SUSD6: variants seen among roughly 807,000 people sequenced by gnomAD.
SUSD6 encodes the protein sushi domain-containing protein 6.
A neutral mutation model predicts 28.4 loss-of-function variants in SUSD6; 16 were observed. The observed-to-expected ratio is 0.56, with a 90% confidence interval of 0.38 to 0.86. The LOEUF is 0.86. Ranked by LOEUF, SUSD6 falls within the 40% of genes least tolerant of loss-of-function variation. The pLI is 0.00. For missense variants in SUSD6, 341 were observed against 384.2 expected (o/e 0.89, Z 0.94); for synonymous variants, 147 against 159.6 (o/e 0.92, Z 0.59).
chr14:69,634,882 G>C (rs1444101192), intron 1 of SUSD6, among the ~76,000 whole-genome samples: 1 of 152,196 alleles, frequency 6.6e-6, no homozygotes, highest in Non-Finnish European at 1.5e-5. Context: ...GAAAAATGCT[G>C]TTGCTTTTGA....
intron 2 of SUSD6, among the ~76,000 whole-genome samples, chr14:69,676,684 C>T (rs181197387): frequency 3.0e-4 from 45 of 152,320 alleles, no homozygotes; most frequent in African/African-American, 1.0e-3. Context: ...CATGAGCCAC[C>T]GCCCACAGCC....
chr14:69,650,657 G>A (rs1388470964), intron 1 of SUSD6, among the ~76,000 whole-genome samples: 1 of 152,128 alleles, frequency 6.6e-6, no homozygotes, highest in Non-Finnish European at 1.5e-5. Flanking sequence ...CTCTTTTTCT[G>A]TCTGGTCTTA....
chr14:69,617,549 T>G (rs1193404729), intron 1 of SUSD6: 1 of 152,232 alleles, frequency 6.6e-6, no homozygotes, highest in Non-Finnish European at 1.5e-5. Flanking sequence ...TGCAGAACTT[T>G]AACCATTGGT....
chr14:69,669,332 G>T (rs1420945231), intron 2 of SUSD6, among the ~76,000 whole-genome samples: 1 of 152,170 alleles, frequency 6.6e-6, no homozygotes, highest in Non-Finnish European at 1.5e-5. Flanking sequence ...AAAGTGCTGG[G>T]ATTACAGGCC....
Position 69,639,960 on chromosome 14 carries a change from T to G in SUSD6, c.-80-18553T>G, listed in dbSNP as rs988770766. On this transcript the variant is annotated intron_variant, in intron 1 of 5. Transcript: ENST00000342745. ...TCCCTCTGGGGCACCTACACTGTTT[T>G]TTTTTTTTTTTTTTTTTTTGCGGGG... Among the ~76,000 whole-genome samples the G allele has an allele frequency of 3.2e-3, 449 of 141,076 alleles. 1 individual carries two copies. Among genetic ancestry groups the G allele is most frequent in the African/African-American group, 0.012 (419 of 34,546 alleles). The allele number at this position is 141,076 out of a possible 152,430, so 92.6% of individuals were successfully genotyped here. A position where few individuals can be genotyped will look rare whatever the true frequency, so the allele number is the denominator to read the frequency against.
At chr14:69,624,616 C>A (rs954129925) in intron 1 of SUSD6, among the ~76,000 whole-genome samples, 2 of 152,082 alleles carry the variant, frequency 1.3e-5, no homozygotes, top group Admixed American at 6.5e-5. Context: ...CCATATCCGG[C>A]TAATTTTTTT....
intron 1 of SUSD6, among the ~76,000 whole-genome samples, chr14:69,635,635 A>ACACG (rs1350278476): frequency 2.7e-5 from 4 of 149,874 alleles, no homozygotes; most frequent in South Asian, 2.1e-4. Context: ...ACACACACAC[A>ACACG]CACACACATT....
intron 1 of SUSD6, among the ~76,000 whole-genome samples, chr14:69,644,935 A>G (rs1433247604): frequency 1.3e-5 from 2 of 152,202 alleles, no homozygotes; most frequent in African/African-American, 4.8e-5. Flanking sequence ...AGGTAAGGGT[A>G]TAGGTGGCGG....
chr14:69,618,916 A>G (rs58583730), intron 1 of SUSD6, among the ~76,000 whole-genome samples: 2,178 of 152,314 alleles, frequency 0.014, 66 homozygotes, highest in African/African-American at 0.05. Context: ...AAGTATATGA[A>G]GAGAGGTTCT....
chr14:69,652,744 T>C (rs577606199), intron 1 of SUSD6, among the ~76,000 whole-genome samples: 1 of 152,282 alleles, frequency 6.6e-6, no homozygotes, highest in South Asian at 2.1e-4. Context: ...AGAGCCATTT[T>C]TGAAGGTGAC....
chr14:69,636,636 A>G (rs967705570), intron 1 of SUSD6, among the ~76,000 whole-genome samples: 1 of 152,152 alleles, frequency 6.6e-6, no homozygotes, highest in Non-Finnish European at 1.5e-5. Context: ...CCTCCTTTCC[A>G]GAAGAGGCAG....
rs76335647 is a variant in SUSD6 at position 69,616,446 on chromosome 14, A to G, written c.-81+4618A>G. On this transcript the variant is annotated intron_variant, in intron 1 of 5. Coordinates refer to ENST00000342745, the MANE Select transcript of SUSD6 (RefSeq NM_014734.4). ...GGCTTCAGCTTCTGACAAAGACAGT[A>G]AAATGAAACTGGCTTCTGGGAATGG... 5.0e-3 allele frequency among the ~76,000 whole-genome samples: 758 copies of G among 152,368 alleles called. 4 individuals carry two copies. Among genetic ancestry groups the G allele is most frequent in the Middle Eastern group, 0.02 (6 of 294 alleles).
intron 1 of SUSD6, among the ~76,000 whole-genome samples, chr14:69,647,205 G>C (rs1179843938): frequency 6.6e-6 from 1 of 152,164 alleles, no homozygotes; most frequent in Non-Finnish European, 1.5e-5. Context: ...TTTTGGGAAG[G>C]TCATTTGATT....
At chr14:69,677,961 T>A (rs1343089349) in intron 2 of SUSD6, among the ~76,000 whole-genome samples, 1 of 152,218 alleles carries the variant, frequency 6.6e-6, no homozygotes, top group Non-Finnish European at 1.5e-5. Flanking sequence ...CTCCCAGATT[T>A]AATATTTTGC....
chr14:69,679,649 C>A (rs1487900533), intron 2 of SUSD6, among the ~76,000 whole-genome samples: 1 of 150,612 alleles, frequency 6.6e-6, no homozygotes, highest in African/African-American at 2.5e-5. Flanking sequence ...CAAAACAATT[C>A]TTCTTTCAAT....
chr14:69,654,790 GGTGTGT>G (rs34122510), intron 1 of SUSD6, among the ~76,000 whole-genome samples: 1 of 98,986 alleles, frequency 1.0e-5, no homozygotes, highest in African/African-American at 4.1e-5. Context: ...TTTTTTTTTT[GGTGTGT>G]GTGTGTGTGT....
chr14:69,624,158 G>GT (rs1036516244), intron 1 of SUSD6, among the ~76,000 whole-genome samples: 1 of 152,242 alleles, frequency 6.6e-6, no homozygotes, highest in African/African-American at 2.4e-5. Flanking sequence ...TTTTTTCTAT[G>GT]TTTAAGTATG....
At chr14:69,672,693 GAA>G (rs1885851541) in intron 2 of SUSD6, among the ~76,000 whole-genome samples, 1 of 152,208 alleles carries the variant, frequency 6.6e-6, no homozygotes, top group South Asian at 2.1e-4. Context: ...GTCTCATGTT[GAA>G]ACTTCACAGA....
intron 5 of SUSD6, among the ~76,000 whole-genome samples, chr14:69,710,709 G>A (rs1886449725): frequency 6.6e-6 from 1 of 152,196 alleles, no homozygotes. Context: ...AAGGCAGAGA[G>A]GAGGATGGTT....
Sources: allele counts gnomAD v4.1 joint callset (sites outside exome capture counted in the v4.1 genomes callset), GRCh38; gene constraint gnomAD v4.1.1; transcripts MANE v1.5; gene names NCBI Gene and HGNC (gene_info 2026-07-23, HGNC 2026-07-21).